AK7: variants seen among roughly 807,000 people sequenced by gnomAD.
The protein encoded by AK7 is ATP-AMP transphosphorylase 7.
A neutral mutation model predicts 96.6 loss-of-function variants in AK7; 78 were observed. The ratio of observed to expected loss-of-function variants is 0.81; its 90% CI spans 0.67 to 0.97. The LOEUF (loss-of-function observed/expected upper bound fraction) is 0.97, where lower values mean the gene tolerates loss of function less well. Among genes scored for constraint, AK7 ranks in the 50% least tolerant of loss-of-function variants. AK7 has a pLI of 0.00. For missense variants in AK7, 855 were observed against 887.9 expected (o/e 0.96, Z 0.47); for synonymous variants, 302 against 317.2 (o/e 0.95, Z 0.51).
Position 96,449,890 on chromosome 14 carries a change from G to T in AK7, c.948+11G>T, listed in dbSNP as rs569121479. The T allele has an allele frequency of 2.1e-6, 3 of 1,431,090 alleles. No homozygotes were observed. Among genetic ancestry groups the T allele is most frequent in the Non-Finnish European group, 1.8e-6 (2 of 1,082,840 alleles). 88.6% of individuals were successfully genotyped at this position (1,431,090 alleles called of 1,614,324 possible). On this transcript the variant is annotated intron_variant, in intron 9 of 17. Coordinates refer to ENST00000267584, the MANE Select transcript of AK7 (RefSeq NM_152327.5). ...ACCAAGGACTTAACGGTTAGTATAT[G>T]CGGTGTTTTTTTTTTTTTAACTATC...
chr14:96,432,674 T>C (rs1892419791), intron 5 of AK7, among the ~76,000 whole-genome samples: 1 of 152,050 alleles, frequency 6.6e-6, no homozygotes, highest in Non-Finnish European at 1.5e-5. Flanking sequence ...AAATTCTGGG[T>C]TGAAAATTCT....
intron 12 of AK7, among the ~76,000 whole-genome samples, chr14:96,458,934 A>AAAAAAG (rs1894099187): frequency 1.6e-5 from 2 of 124,990 alleles, no homozygotes; most frequent in Non-Finnish European, 3.3e-5. Flanking sequence ...AAAAAAAAAA[A>AAAAAAG]AAAAGGTGAA....
intron 4 of AK7, among the ~76,000 whole-genome samples, chr14:96,420,280 T>C (rs930053939): frequency 6.6e-6 from 1 of 151,802 alleles, no homozygotes; most frequent in Non-Finnish European, 1.5e-5. Flanking sequence ...GCAGATCACC[T>C]GAGGTCAGGA....
At chr14:96,458,530 T>C (rs1170679765) in intron 12 of AK7, among the ~76,000 whole-genome samples, 1 of 151,450 alleles carries the variant, frequency 6.6e-6, no homozygotes, top group Non-Finnish European at 1.5e-5. Context: ...TCACCTGAGG[T>C]CATGAGTTTG....
chr14:96,412,897 G>C (rs983255940), intron 4 of AK7, among the ~76,000 whole-genome samples: 3 of 152,110 alleles, frequency 2.0e-5, no homozygotes, highest in African/African-American at 7.2e-5. Context: ...CAAGGAAACC[G>C]GTTCTAAGTA....
Position 96,404,779 on chromosome 14 carries a change from T to G in AK7, c.317T>G (p.Leu106Arg), listed in dbSNP as rs1367089422. 1 of 1,607,804 alleles carries G rather than the reference T, an allele frequency of 6.2e-7. No homozygotes were observed. The highest frequency in any genetic ancestry group is 1.7e-5 in the Admixed American group (1 of 59,952). The stretch of plus-strand genomic sequence containing the variant: ...CAGGCCATCTCTCGAGAAGACCTTC[T>G]CATGCGCCTGCTGGAGTGTGATGTT... The part of the protein sequence containing the change: ...TYSAISREDL[L>R]MRLLECDVII... Residue 106 changes from leucine to arginine, a missense_variant, in exon 3 of 18, where the codon CTC becomes CGC. Leu to Arg is a moderately radical substitution (Grantham distance 102). Transcript: ENST00000267584.
chr14:96,413,970 G>C (rs956054641), intron 4 of AK7, among the ~76,000 whole-genome samples: 6 of 152,144 alleles, frequency 3.9e-5, no homozygotes, highest in Non-Finnish European at 7.3e-5. Flanking sequence ...TAGCCATGAT[G>C]GTTCTATTCT....
At chr14:96,451,719 T>G (rs573484354) in intron 10 of AK7, 149 bp downstream of exon 10, 1 of 725,656 alleles carries the variant, frequency 1.4e-6, no homozygotes, top group African/African-American at 1.8e-5. Context: ...TGTCCAGGTC[T>G]AACAAATTTA....
intron 4 of AK7, among the ~76,000 whole-genome samples, chr14:96,409,496 C>T (rs1890913566): frequency 6.6e-6 from 1 of 152,110 alleles, no homozygotes; most frequent in Non-Finnish European, 1.5e-5. Context: ...CCCTTGAATC[C>T]GGGAGGCAGA....
At chr14:96,441,989 G>T (rs188425036) in intron 6 of AK7, among the ~76,000 whole-genome samples, 3 of 152,254 alleles carry the variant, frequency 2.0e-5, no homozygotes, top group African/African-American at 7.2e-5. Flanking sequence ...TCACTGCTTA[G>T]AACCCTTCAA....
At chr14:96,485,351 A>G (rs1227095766) in intron 16 of AK7, among the ~76,000 whole-genome samples, 1 of 152,202 alleles carries the variant, frequency 6.6e-6, no homozygotes, top group Non-Finnish European at 1.5e-5. Flanking sequence ...AACTAGTTCA[A>G]TAGAAACAGG....
intron 4 of AK7, among the ~76,000 whole-genome samples, chr14:96,420,448 T>C (rs1217429856): frequency 1.3e-5 from 2 of 151,776 alleles, no homozygotes; most frequent in Non-Finnish European, 2.9e-5. Flanking sequence ...TGAGCCAGGA[T>C]TGTGCCACTG....
intron 5 of AK7, among the ~76,000 whole-genome samples, chr14:96,435,489 A>G (rs539659445): frequency 6.6e-6 from 1 of 152,148 alleles, no homozygotes; most frequent in East Asian, 1.9e-4. Flanking sequence ...CGAGCCATGC[A>G]GCTTGGGGTT....
At chr14:96,455,297 C>G (rs781743403) in intron 10 of AK7, among the ~76,000 whole-genome samples, 106 of 152,218 alleles carry the variant, frequency 7.0e-4, no homozygotes, top group Admixed American at 1.2e-3. Flanking sequence ...CCAGCCTGAA[C>G]CACACAGTGA....
At chr14:96,433,488 A>G (rs943007452) in intron 5 of AK7, among the ~76,000 whole-genome samples, 8 of 152,164 alleles carry the variant, frequency 5.3e-5, no homozygotes, top group Admixed American at 4.6e-4. Context: ...TGCATGCATC[A>G]TGAAGTTCTC....
intron 1 of AK7, among the ~76,000 whole-genome samples, chr14:96,394,046 T>G (rs1208139021): frequency 1.3e-5 from 2 of 151,328 alleles, no homozygotes; most frequent in African/African-American, 4.9e-5. Flanking sequence ...GGGGCGGAGG[T>G]TGCAGTGAGC....
At chr14:96,479,178 G>T (rs543514029) in intron 15 of AK7, among the ~76,000 whole-genome samples, 40 of 151,996 alleles carry the variant, frequency 2.6e-4, no homozygotes, top group African/African-American at 6.8e-4. Flanking sequence ...CCGGGTTCAC[G>T]CCATTCTCCT....
intron 7 of AK7, among the ~76,000 whole-genome samples, chr14:96,445,751 G>A (rs974598027): frequency 6.6e-6 from 1 of 152,130 alleles, no homozygotes; most frequent in African/African-American, 2.4e-5. Context: ...GCGTGCATTC[G>A]ATTTATTTTC....
rs117932049 is a variant in AK7 at position 96,398,192 on chromosome 14, A to C, written c.223A>C (p.Thr75Pro). The change falls in exon 2 of 18, where the codon ACA (threonine) becomes CCA (proline). Residue 75 changes from threonine (T) to proline (P), a missense_variant. Transcript: ENST00000267584. ...EASSTKVKEG[T>P]FQIVGTLSKP... ...TTCCTCAACCAAAGTGAAGGAAGGC[A>C]CATTCCAGATTGTGGGCACGCTGTC... 7.9e-5 allele frequency: 128 copies of C among 1,614,146 alleles called. No individual in the cohort carries two copies. The highest frequency in any genetic ancestry group is 1.5e-4 in the Admixed American group (9 of 60,034).
Sources: allele counts gnomAD v4.1 joint callset (sites outside exome capture counted in the v4.1 genomes callset), GRCh38; gene constraint gnomAD v4.1.1; transcripts MANE v1.5; gene names NCBI Gene and HGNC (gene_info 2026-07-23, HGNC 2026-07-21).